CLASP2: variants seen among roughly 807,000 people sequenced by gnomAD.
CLASP2 encodes the protein CLIP-associating protein 2.
CLASP2 carries 47 observed loss-of-function variants against 194.4 expected under a neutral mutation model. That is an observed-to-expected ratio of 0.24 (90% CI 0.19 to 0.31). The LOEUF (loss-of-function observed/expected upper bound fraction) is 0.31, where lower values mean the gene tolerates loss of function less well. CLASP2 is among the 10% of genes least tolerant of loss of function. The pLI, the probability that CLASP2 is intolerant of heterozygous loss-of-function variation, is 1.00. For synonymous variants in CLASP2, 619 were observed against 633.5 expected (o/e 0.98, Z 0.34); for missense variants, 1,445 against 1,823.6 (o/e 0.79, Z 3.78).
chr3:33,717,790 C>T lies in CLASP2; in HGVS notation c.195+18G>A, dbSNP rs375616988. On this transcript the variant is annotated intron_variant, in intron 1 of 38. Coordinates refer to ENST00000682230, the MANE Select transcript of CLASP2 (RefSeq NM_001365631.1). ...CCGCGGAGGGCGTGACCAGCCCAGC[C>T]TCGCCGCCGTCGCTTACCCGGTAGT... 5.9e-5 allele frequency: 92 copies of T among 1,550,200 alleles called. No individual in the cohort carries two copies. The African/African-American group carries it at 1.1e-3, about 19-fold the overall frequency.
At position 33,559,348 on chromosome 3, in the gene CLASP2, T is replaced by C; in HGVS notation, c.2968A>G (p.Met990Val). 1.9e-6 allele frequency: 3 copies of C among 1,599,056 alleles called. No individual in the cohort carries two copies. The highest frequency in any genetic ancestry group is 2.6e-6 in the Non-Finnish European group (3 of 1,171,134). Residue 990 changes from methionine to valine, a missense_variant, in exon 29 of 39, where the codon ATG becomes GTG. By Grantham distance (21) the Met-to-Val change is conservative (BLOSUM62 1). Transcript: ENST00000682230. ...FPNDLQFNIL[M>V]RFTVDQTQTP... ...TGGGTCTGATCAACTGTAAATCTCA[T>C]TAGAATATTGAACTGAAGATCATTT... is the stretch of plus-strand genomic sequence containing the variant.
At chr3:33,570,882 A>G in intron 25 of CLASP2, 92 bp from the exon 26 acceptor site, 1 of 1,230,000 alleles carries the variant, frequency 8.1e-7, no homozygotes, top group Non-Finnish European at 1.1e-6. Flanking sequence ...TAAAAAAAAA[A>G]AAAAAAGGTT....
intron 6 of CLASP2, among the ~76,000 whole-genome samples, chr3:33,664,687 C>T (rs551250219): frequency 6.6e-6 from 1 of 152,242 alleles, no homozygotes; most frequent in South Asian, 2.1e-4. Context: ...TTCAAAGACA[C>T]AGGTCTCTTT....
chr3:33,561,415 T>A (rs4328759), intron 27 of CLASP2, among the ~76,000 whole-genome samples: 1 of 152,068 alleles, frequency 6.6e-6, no homozygotes, highest in Non-Finnish European at 1.5e-5. Flanking sequence ...TCTGGCATAA[T>A]AGACTAATTA....
At chr3:33,518,484 C>T (rs1210925128) in intron 34 of CLASP2, among the ~76,000 whole-genome samples, 1 of 152,168 alleles carries the variant, frequency 6.6e-6, no homozygotes, top group African/African-American at 2.4e-5. Flanking sequence ...ATTTCCTTCC[C>T]ATCTCTCTGG....
At chr3:33,708,495 T>C (rs2092813128) in intron 1 of CLASP2, among the ~76,000 whole-genome samples, 1 of 83,064 alleles carries the variant, frequency 1.2e-5, no homozygotes, top group Non-Finnish European at 2.4e-5. Flanking sequence ...TGTATGTATA[T>C]ATATATATAT....
In CLASP2 at chr3:33,712,836, C is replaced by T. The variant is rs536859049; in HGVS notation, c.195+4972G>A. 1.3e-4 allele frequency among the ~76,000 whole-genome samples: 20 copies of T among 151,856 alleles called. No individual in the cohort carries two copies. In the South Asian group the frequency reaches 3.1e-3, roughly 24 times the overall value. ...AATAAGCCGGGCATGGTGGTGCGTG[C>T]CTGTAATCCCAGGTACTCAGGAGGC... On this transcript the variant is annotated intron_variant, in intron 1 of 38. Transcript: ENST00000682230.
At chr3:33,579,971 GCATGCA>G (rs1307669086) in intron 23 of CLASP2, among the ~76,000 whole-genome samples, 2 of 152,038 alleles carry the variant, frequency 1.3e-5, no homozygotes, top group African/African-American at 4.8e-5. Flanking sequence ...ATGTGCATGC[GCATGCA>G]CATGCACACA....
chr3:33,699,900 G>A (rs567245584), intron 1 of CLASP2, among the ~76,000 whole-genome samples: 3 of 148,466 alleles, frequency 2.0e-5, no homozygotes, highest in East Asian at 3.9e-4. Context: ...GAATGCTGTC[G>A]CTTCATAATT....
At chr3:33,616,667 A>AACGTTAAAT (rs1347418317) in intron 12 of CLASP2, among the ~76,000 whole-genome samples, 5 of 151,872 alleles carry the variant, frequency 3.3e-5, no homozygotes, top group African/African-American at 1.2e-4. Context: ...ATATTTAATT[A>AACGTTAAAT]ACGTTAAATA....
chr3:33,609,078 G>A (rs1162680629), intron 13 of CLASP2, among the ~76,000 whole-genome samples: 3 of 151,986 alleles, frequency 2.0e-5, no homozygotes, highest in African/African-American at 7.3e-5. Flanking sequence ...TCAGGAGTTC[G>A]AGACCAGCCT....
intron 8 of CLASP2, among the ~76,000 whole-genome samples, chr3:33,633,630 C>CAAGGATGGACTCACAAAG (rs1313124911): frequency 6.6e-6 from 1 of 151,756 alleles, no homozygotes. Flanking sequence ...TTAAAGAAAT[C>CAAGGATGGACTCACAAAG]AAGGATGGAC....
intron 8 of CLASP2, 29 bp downstream of exon 8, chr3:33,644,728 A>G (rs2081989649): frequency 2.5e-6 from 4 of 1,611,468 alleles, no homozygotes; most frequent in Non-Finnish European, 3.4e-6. Context: ...TGGAGCATGC[A>G]TAACAGATTT....
At chr3:33,633,417 A>G (rs537174482) in intron 8 of CLASP2, among the ~76,000 whole-genome samples, 1 of 152,304 alleles carries the variant, frequency 6.6e-6, no homozygotes, top group Middle Eastern at 3.4e-3. Context: ...CCCCAGTGTT[A>G]AGCAGGAATA....
chr3:33,693,894 T>A (rs2091609588), intron 2 of CLASP2, among the ~76,000 whole-genome samples: 2 of 151,824 alleles, frequency 1.3e-5, no homozygotes, highest in African/African-American at 4.8e-5. Context: ...ACATGTGCCA[T>A]CTAGTTGCAC....
chr3:33,640,726 C>G (rs2081129982), intron 8 of CLASP2, among the ~76,000 whole-genome samples: 1 of 151,816 alleles, frequency 6.6e-6, no homozygotes, highest in Non-Finnish European at 1.5e-5. Flanking sequence ...AGAGTAGCAG[C>G]CAAAATGATT....
At chr3:33,659,240 C>T in intron 7 of CLASP2, 1 of 1,281,476 alleles carries the variant, frequency 7.8e-7, no homozygotes, top group Non-Finnish European at 9.8e-7. Flanking sequence ...TAAGATTACT[C>T]TTTAGCTGCA....
At chr3:33,687,836 C>T (rs906556373) in intron 4 of CLASP2, among the ~76,000 whole-genome samples, 1 of 152,182 alleles carries the variant, frequency 6.6e-6, no homozygotes, top group African/African-American at 2.4e-5. Flanking sequence ...CAGCTACCAG[C>T]CTCACTGTCC....
At chr3:33,690,770 C>G (rs1049521586) in intron 2 of CLASP2, among the ~76,000 whole-genome samples, 3 of 152,140 alleles carry the variant, frequency 2.0e-5, no homozygotes, top group African/African-American at 7.2e-5. Flanking sequence ...TGAATCCTTC[C>G]TTTGTCCAAC....
Sources: allele counts gnomAD v4.1 joint callset (sites outside exome capture counted in the v4.1 genomes callset), GRCh38; gene constraint gnomAD v4.1.1; transcripts MANE v1.5; gene names NCBI Gene and HGNC (gene_info 2026-07-23, HGNC 2026-07-21).